The following SMAP1 variants were observed in gnomAD, a reference collection of about 807,000 sequenced individuals.
SMAP1 encodes the protein small ArfGAP 1.
SMAP1 carries 24 observed loss-of-function variants against 58.5 expected under a neutral mutation model. The ratio of observed to expected loss-of-function variants is 0.41; its 90% CI spans 0.30 to 0.58. SMAP1 has a LOEUF of 0.58. Ranked by LOEUF, SMAP1 falls within the 20% of genes least tolerant of loss-of-function variation. The pLI is 0.29. For missense variants in SMAP1, 563 were observed against 566.3 expected, an observed-to-expected ratio of 0.99 and a Z score of 0.06; for synonymous variants, 216 against 196.6, an observed-to-expected ratio of 1.10 and a Z score of -0.82.
At chr6:70,782,486 T>C (rs1767801961) in intron 4 of SMAP1, among the ~76,000 whole-genome samples, 1 of 152,202 alleles carries the variant, frequency 6.6e-6, no homozygotes, top group Non-Finnish European at 1.5e-5. Context: ...AACTAGATTT[T>C]TATAAGACAA....
At chr6:70,731,248 C>T (rs1283363900) in intron 1 of SMAP1, among the ~76,000 whole-genome samples, 1 of 152,006 alleles carries the variant, frequency 6.6e-6, no homozygotes, top group Admixed American at 6.5e-5. Context: ...ATTAATTTTA[C>T]AAGCAATATG....
intron 4 of SMAP1, among the ~76,000 whole-genome samples, chr6:70,777,927 T>C (rs1434448601): frequency 6.6e-6 from 1 of 152,046 alleles, no homozygotes; most frequent in African/African-American, 2.4e-5. Context: ...TAACTTTGTA[T>C]TTTTGTTAGA....
chr6:70,754,751 T>C (rs534909472), intron 2 of SMAP1, among the ~76,000 whole-genome samples: 2 of 152,184 alleles, frequency 1.3e-5, no homozygotes, highest in East Asian at 1.9e-4. Context: ...ATTTAGATTA[T>C]GGACTATGGA....
At chr6:70,744,519 T>C (rs895389970) in intron 2 of SMAP1, among the ~76,000 whole-genome samples, 3 of 152,238 alleles carry the variant, frequency 2.0e-5, no homozygotes, top group Non-Finnish European at 4.4e-5. Flanking sequence ...TTTTTATGGC[T>C]GCATAGTATT....
chr6:70,685,177 AT>A (rs1443103005), intron 1 of SMAP1, among the ~76,000 whole-genome samples: 5 of 151,958 alleles, frequency 3.3e-5, no homozygotes, highest in African/African-American at 9.7e-5. Context: ...TGCAGGAAGC[AT>A]TTGTGAATTA....
At chr6:70,765,353 A>G (rs550880066) in intron 3 of SMAP1, among the ~76,000 whole-genome samples, 1 of 152,336 alleles carries the variant, frequency 6.6e-6, no homozygotes, top group Admixed American at 6.5e-5. Context: ...TTAAGTTCCT[A>G]TGGCATATTT....
intron 3 of SMAP1, among the ~76,000 whole-genome samples, chr6:70,759,561 A>G (rs1766661476): frequency 1.3e-5 from 2 of 152,124 alleles, no homozygotes; most frequent in South Asian, 2.1e-4. Context: ...GCAGGACAGT[A>G]TATATCTTCT....
chr6:70,720,138 TG>T (rs1768456926), intron 1 of SMAP1, among the ~76,000 whole-genome samples: 2 of 152,024 alleles, frequency 1.3e-5, no homozygotes, highest in East Asian at 1.9e-4. Flanking sequence ...CCAGATACAA[TG>T]GGGGTACAGG....
intron 6 of SMAP1, among the ~76,000 whole-genome samples, chr6:70,800,815 C>T (rs1371379210): frequency 6.6e-5 from 10 of 152,088 alleles, no homozygotes; most frequent in Non-Finnish European, 1.5e-4. Context: ...TGGTTTCCAG[C>T]TTCATCCATG....
chr6:70,714,789 G>A (rs893861089), intron 1 of SMAP1, among the ~76,000 whole-genome samples: 1 of 152,074 alleles, frequency 6.6e-6, no homozygotes, highest in Non-Finnish European at 1.5e-5. Context: ...TGCAAGGCAG[G>A]AATAGTGGAT....
intron 10 of SMAP1, chr6:70,859,655 T>TA: frequency 1.2e-5 from 3 of 254,236 alleles, no homozygotes; most frequent in Non-Finnish European, 1.5e-5. Flanking sequence ...ATATATATAT[T>TA]TGACTCCAGT....
rs779097238 is a variant in SMAP1 at position 70,768,206 on chromosome 6, A to G, written c.339-5144A>G. ...TGTTCATCAAGGAGATTGGTCTAAAATTCTCTTTTTTGGTTGTGTCTCTGT... is the reference window on the plus strand; with the variant it reads ...TGTTCATCAAGGAGATTGGTCTAAAGTTCTCTTTTTTGGTTGTGTCTCTGT... On this transcript the variant is annotated intron_variant, in intron 3 of 10. Transcript: ENST00000370455. Among the ~76,000 whole-genome samples the G allele has an allele frequency of 4.6e-5, 7 of 152,134 alleles. 1 individual carries two copies. The highest frequency in any genetic ancestry group is 1.5e-5 in the Non-Finnish European group (1 of 68,022).
chr6:70,789,948 TATC>T (rs1218218984), intron 4 of SMAP1, among the ~76,000 whole-genome samples: 2 of 152,116 alleles, frequency 1.3e-5, no homozygotes, highest in Non-Finnish European at 2.9e-5. Flanking sequence ...CACATCAGCT[TATC>T]ATCTTCTCAA....
rs539449798 is a variant in SMAP1, at chr6:70,860,546, G to T, written c.*212G>T. 42 of 490,754 alleles carry T rather than the reference G, an allele frequency of 8.6e-5. No homozygotes were observed. The highest frequency in any genetic ancestry group is 7.3e-4 in the African/African-American group (37 of 50,524). The allele number at this position is 490,754 out of a possible 1,614,324, so 30.4% of individuals were successfully genotyped here. A position where few individuals can be genotyped will look rare whatever the true frequency, so the allele number is the denominator to read the frequency against. On this transcript the variant is annotated 3_prime_UTR_variant, in exon 11 of 11. Coordinates refer to ENST00000370455, the MANE Select transcript of SMAP1 (RefSeq NM_001044305.3). The stretch of plus-strand genomic sequence containing the variant: ...ATCATTTTATGTCAAGGGCAGCTTT[G>T]CTCATATTTCCCATGATTTCATGTA...
chr6:70,853,349 G>C (rs537633217), intron 8 of SMAP1, among the ~76,000 whole-genome samples: 5 of 151,946 alleles, frequency 3.3e-5, no homozygotes, highest in Non-Finnish European at 7.4e-5. Context: ...GAACTTTCAG[G>C]AAACAAACTA....
rs748773833 is a variant in SMAP1 at position 70,789,464 on chromosome 6, C to T, written c.415-2225C>T. ...TGTGTACCCTTTTGCGTCTTTCTTCCGTTATGTTTCTGATTTGTTATGAAT... is the reference window on the plus strand; with the variant it reads ...TGTGTACCCTTTTGCGTCTTTCTTCTGTTATGTTTCTGATTTGTTATGAAT... On this transcript the variant is annotated intron_variant, in intron 4 of 10. Transcript: ENST00000370455. Among the ~76,000 whole-genome samples the T allele has an allele frequency of 5.3e-5, 8 of 151,806 alleles. No homozygotes were observed. The East Asian group carries it at 5.8e-4, about 11-fold the overall frequency.
chr6:70,773,412 T>C lies in SMAP1; in HGVS notation c.401T>C (p.Ile134Thr). 6.4e-7 allele frequency: 1 copy of C among 1,555,576 alleles called. No individual in the cohort carries two copies. Among genetic ancestry groups the C allele is most frequent in the Non-Finnish European group, 8.8e-7 (1 of 1,137,638 alleles). The change falls in exon 4 of 11, where the codon ATA becomes ACA. Residue 134 changes from isoleucine (I) to threonine (T), a missense_variant. By Grantham distance (89) the Ile-to-Thr change is moderately conservative. This residue lies in a region of SMAP1 where 494 missense variants were observed against 473.8 expected (regional missense o/e 1.04). Coordinates refer to ENST00000370455, the MANE Select transcript of SMAP1 (RefSeq NM_001044305.3). ...EKKKYYDKNAIAITNISSSDA... is the reference protein window; with the variant it reads ...EKKKYYDKNATAITNISSSDA... Reference sequence around the variant, plus strand: ...AAGAAATACTACGATAAAAATGCCATAGCTATTACAAATGTAAGTAAAACC... The same window carrying C: ...AAGAAATACTACGATAAAAATGCCACAGCTATTACAAATGTAAGTAAAACC...
At chr6:70,755,216 G>A (rs536527756) in intron 3 of SMAP1, 151 bp downstream of exon 3, 1 of 597,774 alleles carries the variant, frequency 1.7e-6, no homozygotes. Context: ...GCTGTGCTTT[G>A]TATATGGTAG....
At chr6:70,696,947 G>A (rs1033857268) in intron 1 of SMAP1, among the ~76,000 whole-genome samples, 3 of 152,124 alleles carry the variant, frequency 2.0e-5, no homozygotes, top group Non-Finnish European at 4.4e-5. Context: ...ATTTACAATT[G>A]TTATATCATC....
Sources: allele counts gnomAD v4.1 joint callset (sites outside exome capture counted in the v4.1 genomes callset), GRCh38; gene constraint gnomAD v4.1.1; regional missense constraint gnomAD v4.1.1; transcripts MANE v1.5; gene names NCBI Gene and HGNC (gene_info 2026-07-23, HGNC 2026-07-21).